The following PLAA variants were observed in gnomAD, a reference collection of about 807,000 sequenced individuals.
PLAA encodes phospholipase A2 activating protein.
In PLAA, 48 loss-of-function variants were observed where a neutral mutation model predicts 84.1. The ratio of observed to expected loss-of-function variants is 0.57; its 90% CI spans 0.45 to 0.73. PLAA has a LOEUF of 0.73. Among genes scored for constraint, PLAA ranks in the 30% least tolerant of loss-of-function variants. PLAA has a pLI of 0.00. For missense variants in PLAA, 903 were observed against 954.7 expected, an observed-to-expected ratio of 0.95 and a Z score of 0.71; for synonymous variants, 392 against 336.6, an observed-to-expected ratio of 1.16 and a Z score of -1.80.
chr9:26,924,657 A>G (rs1264547796), intron 6 of PLAA, among the ~76,000 whole-genome samples: 9 of 152,030 alleles, frequency 5.9e-5, no homozygotes, highest in Non-Finnish European at 1.2e-4. Context: ...ACTGATGACA[A>G]TCTCCCTCCA....
At chr9:26,937,464 A>G (rs902290830) in intron 1 of PLAA, among the ~76,000 whole-genome samples, 2 of 152,218 alleles carry the variant, frequency 1.3e-5, no homozygotes, top group Non-Finnish European at 2.9e-5. Context: ...ATTAGATTAA[A>G]TGTTCACTTT....
rs1389397100 is a variant in PLAA at position 26,910,407 on chromosome 9, T to C, written c.1588A>G (p.Thr530Ala). ...NSAYRSAASK[T>A]MNIYFPKKEA... ...TTTTTAGGGAAATAAATATTCATTG[T>C]TTTAGATGCAGCTGATCGGTAGGCA... The change falls in exon 12 of 14, where the codon ACA (threonine) becomes GCA (alanine). Residue 530 changes from threonine to alanine, a missense_variant. Coordinates refer to ENST00000397292, the MANE Select transcript of PLAA (RefSeq NM_001031689.3). The C allele has an allele frequency of 5.6e-6, 9 of 1,613,094 alleles. No individual in the cohort carries two copies. The highest frequency in any genetic ancestry group is 6.8e-6 in the Non-Finnish European group (8 of 1,179,414).
At chr9:26,935,941 T>C (rs893119189) in intron 1 of PLAA, among the ~76,000 whole-genome samples, 1 of 151,862 alleles carries the variant, frequency 6.6e-6, no homozygotes. Flanking sequence ...ATTACCAGTT[T>C]GTGACATGTA....
chr9:26,926,433 T>G lies in PLAA; in HGVS notation c.693A>C (p.Thr231=), dbSNP rs1824966280. The G allele has an allele frequency of 6.2e-7, 1 of 1,609,122 alleles. No homozygotes were observed. Among genetic ancestry groups the G allele is most frequent in the African/African-American group, 1.3e-5 (1 of 74,826 alleles). ...AAACGGATATGCTATAAATATAATT[T>G]GTATGTCCATAATATACTTCAAGAC... ...GECLEVYYGH[T]NYIYSISVFP... The change falls in exon 5 of 14, where the codon ACA becomes ACC. Residue 231 remains threonine, a synonymous_variant. Transcript: ENST00000397292.
At chr9:26,921,574 T>C (rs1010875382) in intron 7 of PLAA, among the ~76,000 whole-genome samples, 1 of 152,224 alleles carries the variant, frequency 6.6e-6, no homozygotes, top group African/African-American at 2.4e-5. Context: ...AGAAGACAAG[T>C]CTTTTCAGAA....
At chr9:26,920,732 T>C (rs1824732086) in intron 7 of PLAA, among the ~76,000 whole-genome samples, 1 of 152,232 alleles carries the variant, frequency 6.6e-6, no homozygotes, top group Non-Finnish European at 1.5e-5. Context: ...TAGAAAAGCC[T>C]GATACCTTTC....
At chr9:26,927,748 C>A (rs1182701582) in intron 4 of PLAA, among the ~76,000 whole-genome samples, 2 of 152,080 alleles carry the variant, frequency 1.3e-5, no homozygotes, top group East Asian at 3.9e-4. Flanking sequence ...TGCTGACTGA[C>A]CATCAGTAAG....
chr9:26,909,617 C>CTT (rs367983051), intron 12 of PLAA, among the ~76,000 whole-genome samples: 3 of 142,350 alleles, frequency 2.1e-5, no homozygotes, highest in Admixed American at 7.0e-5. Context: ...AGATTAATTT[C>CTT]TTTTTTTTTT....
chr9:26,944,283 T>C (rs752330981), intron 1 of PLAA, among the ~76,000 whole-genome samples: 4 of 152,032 alleles, frequency 2.6e-5, no homozygotes, highest in Non-Finnish European at 4.4e-5. Flanking sequence ...TCCAGAACTA[T>C]GAAAAATACA....
At chr9:26,932,961 C>A (rs555874564) in intron 2 of PLAA, among the ~76,000 whole-genome samples, 3 of 152,090 alleles carry the variant, frequency 2.0e-5, no homozygotes, top group Non-Finnish European at 4.4e-5. Flanking sequence ...ATGGTGAAAT[C>A]CCATCCCTAC....
intron 13 of PLAA, among the ~76,000 whole-genome samples, chr9:26,906,334 G>A (rs1482687144): frequency 2.6e-5 from 4 of 151,436 alleles, no homozygotes; most frequent in Non-Finnish European, 5.9e-5. Flanking sequence ...CCTACACACT[G>A]TGAGTATTCA....
At chr9:26,935,635 G>A (rs892312608) in intron 1 of PLAA, among the ~76,000 whole-genome samples, 2 of 151,866 alleles carry the variant, frequency 1.3e-5, no homozygotes, top group African/African-American at 4.8e-5. Flanking sequence ...ACATTATGAA[G>A]CATTGACTTA....
chr9:26,920,278 G>A lies in PLAA; in HGVS notation c.1146C>T (p.Gly382=), dbSNP rs1395189991. 2 of 1,613,814 alleles carry A rather than the reference G, an allele frequency of 1.2e-6. No individual in the cohort carries two copies. Among genetic ancestry groups the A allele is most frequent in the Admixed American group, 1.7e-5 (1 of 60,002 alleles). ...ATGTTTGCTGATTAGCACCAGATGA[G>A]CCAACAACATCACCAATTTTTATCC... ...GRWIKIGDVV[G]SSGANQQTSG... The change falls in exon 8 of 14, where the codon GGC becomes GGT. Residue 382 remains glycine, a synonymous_variant. Transcript: ENST00000397292.
chr9:26,937,036 G>T (rs1825381592), intron 1 of PLAA, among the ~76,000 whole-genome samples: 1 of 152,088 alleles, frequency 6.6e-6, no homozygotes, highest in Admixed American at 6.5e-5. Flanking sequence ...AGCTACTTGG[G>T]AGGCCGAGGC....
In PLAA at chr9:26,931,661, A is replaced by T. The variant is rs558256915; in HGVS notation, c.344-3253T>A. ...AACACATTAAAGGAAACAAGGCTTT[A>T]ACCAGTAAAACTGAGATTGTGGGAA... On this transcript the variant is annotated intron_variant, in intron 2 of 13. Coordinates refer to ENST00000397292, the MANE Select transcript of PLAA (RefSeq NM_001031689.3). 4.3e-4 allele frequency among the ~76,000 whole-genome samples: 65 copies of T among 152,346 alleles called. 1 individual carries two copies. The highest frequency in any genetic ancestry group is 8.2e-4 in the Non-Finnish European group (56 of 68,026).
chr9:26,930,874 T>G (rs1825161523), intron 2 of PLAA, among the ~76,000 whole-genome samples: 1 of 152,004 alleles, frequency 6.6e-6, no homozygotes, highest in Non-Finnish European at 1.5e-5. Context: ...TGCACCACCA[T>G]GCCCAGTCTG....
intron 10 of PLAA, among the ~76,000 whole-genome samples, chr9:26,914,227 C>G (rs534037255): frequency 6.6e-6 from 1 of 152,060 alleles, no homozygotes; most frequent in South Asian, 2.1e-4. Context: ...TAAAAGTTTC[C>G]AGAATAAAAT....
Position 26,946,989 on chromosome 9 carries a change from C to G in PLAA, c.57G>C (p.Leu19=). 1 of 1,594,986 alleles carries G rather than the reference C, an allele frequency of 6.3e-7. No homozygotes were observed. Among genetic ancestry groups the G allele is most frequent in the East Asian group, 2.3e-5 (1 of 43,780 alleles). The change falls in exon 1 of 14, where the codon CTG becomes CTC. Residue 19 remains leucine, a synonymous_variant. Coordinates refer to ENST00000397292, the MANE Select transcript of PLAA (RefSeq NM_001031689.3). ...CGCAGCACACCAGGCCCCGTACGTCCAGCTCGTGGCCCCGGAGCGAGCAGC... is the reference window on the plus strand; with the variant it reads ...CGCAGCACACCAGGCCCCGTACGTCGAGCTCGTGGCCCCGGAGCGAGCAGC... ...RLSCSLRGHE[L]DVRGLVCCAY...
chr9:26,916,693 G>T (rs1824573830), intron 10 of PLAA: 1 of 996,658 alleles, frequency 1.0e-6, no homozygotes, highest in African/African-American at 1.7e-5. Context: ...TGGTTGGTGG[G>T]TTCCCCTATT....
Sources: allele counts gnomAD v4.1 joint callset (sites outside exome capture counted in the v4.1 genomes callset), GRCh38; gene constraint gnomAD v4.1.1; transcripts MANE v1.5; gene names NCBI Gene and HGNC (gene_info 2026-07-23, HGNC 2026-07-21).